MDGA2: variants seen among roughly 807,000 people sequenced by gnomAD.
MDGA2 encodes the protein MAM domain containing glycosylphosphatidylinositol anchor 2.
In MDGA2, 40 loss-of-function variants were observed where a neutral mutation model predicts 117.8. That is an observed-to-expected ratio of 0.34 (90% CI 0.26 to 0.44). MDGA2 has a LOEUF of 0.44. MDGA2 is among the 20% of genes least tolerant of loss of function. MDGA2 has a pLI of 1.00. For synonymous variants in MDGA2, 452 were observed against 439.0 expected, an observed-to-expected ratio of 1.03 and a Z score of -0.37; for missense variants, 1,123 against 1,250.6, an observed-to-expected ratio of 0.90 and a Z score of 1.54.
chr14:47,347,245 G>GT (rs1890780651), intron 1 of MDGA2, among the ~76,000 whole-genome samples: 1 of 152,152 alleles, frequency 6.6e-6, no homozygotes, highest in East Asian at 1.9e-4. Context: ...GCAATCACAC[G>GT]TAACGGTTTC....
At chr14:46,986,602 T>C (rs562418440) in intron 8 of MDGA2, among the ~76,000 whole-genome samples, 2 of 152,172 alleles carry the variant, frequency 1.3e-5, no homozygotes, top group East Asian at 1.9e-4. Flanking sequence ...AAACAGGCTA[T>C]TGATGAAATT....
chr14:47,089,557 A>G (rs1201568031), intron 6 of MDGA2, among the ~76,000 whole-genome samples: 1 of 152,000 alleles, frequency 6.6e-6, no homozygotes, highest in African/African-American at 2.4e-5. Flanking sequence ...TGCAGTTTTT[A>G]GTAGAGACAG....
intron 4 of MDGA2, 144 bp from the exon 5 acceptor site, chr14:47,131,990 T>A: frequency 3.5e-6 from 2 of 568,876 alleles, no homozygotes; most frequent in South Asian, 6.6e-5. Flanking sequence ...AAATGTCCTA[T>A]CTTTCAAATA....
intron 8 of MDGA2, among the ~76,000 whole-genome samples, chr14:47,006,721 T>C (rs943035053): frequency 1.3e-5 from 2 of 151,774 alleles, no homozygotes; most frequent in Non-Finnish European, 3.0e-5. Context: ...ACTTTTATTT[T>C]CTATTATTTT....
chr14:47,178,650 C>A (rs1263293186), intron 3 of MDGA2, among the ~76,000 whole-genome samples: 4 of 152,096 alleles, frequency 2.6e-5, no homozygotes, highest in African/African-American at 9.7e-5. Flanking sequence ...ACTCACAATT[C>A]AATGAGGCAG....
intron 2 of MDGA2, among the ~76,000 whole-genome samples, chr14:47,231,900 G>A (rs1886704822): frequency 6.6e-6 from 1 of 152,034 alleles, no homozygotes; most frequent in South Asian, 2.1e-4. Flanking sequence ...CCAGACATAT[G>A]TCTTGAGTAG....
rs141643923 is a variant in MDGA2 at position 47,410,749 on chromosome 14, C to T, written c.281-109199G>A. Reference sequence around the variant, plus strand: ...ATGTAAATCAGCCTATTGCTTTTACCGTAAGTTCTCTCTAAATTAAACTTG... The same window carrying T: ...ATGTAAATCAGCCTATTGCTTTTACTGTAAGTTCTCTCTAAATTAAACTTG... On this transcript the variant is annotated intron_variant, in intron 1 of 16. Transcript: ENST00000399232. 7.9e-5 allele frequency among the ~76,000 whole-genome samples: 12 copies of T among 152,116 alleles called. No homozygotes were observed. In the East Asian group the frequency reaches 1.2e-3, roughly 15 times the overall value.
chr14:47,550,429 C>T (rs1895558655), intron 1 of MDGA2, among the ~76,000 whole-genome samples: 1 of 152,090 alleles, frequency 6.6e-6, no homozygotes, highest in Non-Finnish European at 1.5e-5. Context: ...ATTTCGGAAT[C>T]AACAGTATCA....
At chr14:47,609,667 G>A (rs1896812970) in intron 1 of MDGA2, among the ~76,000 whole-genome samples, 1 of 151,116 alleles carries the variant, frequency 6.6e-6, no homozygotes, top group Admixed American at 6.6e-5. Context: ...TCTCCACACT[G>A]TTTTCCATAG....
At chr14:47,294,437 T>C (rs1026620208) in intron 2 of MDGA2, among the ~76,000 whole-genome samples, 11 of 152,136 alleles carry the variant, frequency 7.2e-5, no homozygotes, top group Admixed American at 4.6e-4. Context: ...TGGATGCTTA[T>C]CCTAAACATT....
intron 2 of MDGA2, among the ~76,000 whole-genome samples, chr14:47,223,862 A>G (rs1886384599): frequency 6.6e-6 from 1 of 152,152 alleles, no homozygotes; most frequent in African/African-American, 2.4e-5. Flanking sequence ...AGGGGAAGCA[A>G]AAACATCCTT....
At chr14:47,216,139 G>T (rs1886079119) in intron 3 of MDGA2, among the ~76,000 whole-genome samples, 1 of 152,038 alleles carries the variant, frequency 6.6e-6, no homozygotes, top group Admixed American at 6.6e-5. Flanking sequence ...AAGGGATACT[G>T]CAGACTAGCA....
At chr14:47,314,789 C>A (rs1889754471) in intron 1 of MDGA2, among the ~76,000 whole-genome samples, 1 of 151,864 alleles carries the variant, frequency 6.6e-6, no homozygotes, top group South Asian at 2.1e-4. Flanking sequence ...AATATCAAGC[C>A]ATAAAGCATT....
intron 9 of MDGA2, among the ~76,000 whole-genome samples, chr14:46,945,000 ATTTTC>A (rs1422688406): frequency 6.6e-6 from 1 of 151,870 alleles, no homozygotes; most frequent in African/African-American, 2.4e-5. Context: ...ACATTTTCCT[ATTTTC>A]TTTTCATGTC....
intron 3 of MDGA2, among the ~76,000 whole-genome samples, chr14:47,149,731 T>TAACA (rs1883090803): frequency 6.6e-6 from 1 of 152,226 alleles, no homozygotes; most frequent in African/African-American, 2.4e-5. Flanking sequence ...TAGCAGTGTA[T>TAACA]AACACTATTT....
intron 8 of MDGA2, among the ~76,000 whole-genome samples, chr14:46,999,305 T>C (rs962256783): frequency 1.3e-5 from 2 of 152,022 alleles, no homozygotes; most frequent in African/African-American, 4.8e-5. Flanking sequence ...AATCTTTTTT[T>C]CCAATTCTTG....
chr14:47,131,697 C>T lies in MDGA2; in HGVS notation c.925+17G>A. On this transcript the variant is annotated intron_variant, in intron 5 of 16. Transcript: ENST00000399232. ...TTGTAGATAAGATACATGTAACATA[C>T]AGAGATAATTCCATACCTGTTTTAT... 6 of 1,480,764 alleles carry T rather than the reference C, an allele frequency of 4.1e-6. No individual in the cohort carries two copies. The highest frequency in any genetic ancestry group is 1.5e-5 in the South Asian group (1 of 68,576). The allele number at this position is 1,480,764 out of a possible 1,614,324, so 91.7% of individuals were successfully genotyped here. A position where few individuals can be genotyped will look rare whatever the true frequency, so the allele number is the denominator to read the frequency against.
chr14:46,930,250 T>A (rs1379036825), intron 9 of MDGA2, among the ~76,000 whole-genome samples: 1 of 152,168 alleles, frequency 6.6e-6, no homozygotes, highest in Non-Finnish European at 1.5e-5. Flanking sequence ...TAATTAAAAC[T>A]TAGTCCCAAT....
intron 1 of MDGA2, among the ~76,000 whole-genome samples, chr14:47,631,468 G>T (rs944610331): frequency 3.9e-5 from 6 of 152,034 alleles, no homozygotes; most frequent in African/African-American, 1.4e-4. Context: ...AGCCCTCTTT[G>T]TCATCACATA....
Sources: gnomAD v4.1 joint callset for allele counts (sites outside exome capture counted in the v4.1 genomes callset) on GRCh38, gnomAD v4.1.1 for gene constraint, MANE v1.5 for transcripts, NCBI Gene and HGNC (gene_info 2026-07-23, HGNC 2026-07-21) for gene names.